Variants in BNC2 observed in about 807,000 individuals in gnomAD.
The protein encoded by BNC2 is zinc finger protein basonuclin-2.
In BNC2, 20 loss-of-function variants were observed where a neutral mutation model predicts 76.3. The ratio of observed to expected loss-of-function variants is 0.26; its 90% confidence interval spans 0.18 to 0.38. The LOEUF (loss-of-function observed/expected upper bound fraction) is 0.38. Among genes scored for constraint, BNC2 ranks in the 10% least tolerant of loss-of-function variants. The pLI is 1.00. For missense variants in BNC2, 1,382 were observed against 1,399.8 expected (o/e 0.99, Z 0.20); for synonymous variants, 582 against 514.8 (o/e 1.13, Z -1.77).
intron 5 of BNC2, among the ~76,000 whole-genome samples, chr9:16,470,032 C>G (rs992335996): frequency 7.2e-6 from 1 of 139,312 alleles, no homozygotes; most frequent in Non-Finnish European, 1.5e-5. Context: ...GAGTCCCGCT[C>G]TGTTGCCCAG....
intron 6 of BNC2, among the ~76,000 whole-genome samples, chr9:16,425,415 C>T (rs1038005555): frequency 6.6e-6 from 1 of 152,146 alleles, no homozygotes; most frequent in Non-Finnish European, 1.5e-5. Context: ...CCTGCCATCC[C>T]CGTATGGCCC....
intron 4 of BNC2, among the ~76,000 whole-genome samples, chr9:16,574,989 A>G (rs1819441599): frequency 6.6e-6 from 1 of 152,220 alleles, no homozygotes; most frequent in Non-Finnish European, 1.5e-5. Flanking sequence ...TCATGTCCAC[A>G]GTGTTGAAGT....
At chr9:16,538,830 G>A (rs1818207217) in intron 5 of BNC2, among the ~76,000 whole-genome samples, 2 of 152,148 alleles carry the variant, frequency 1.3e-5, no homozygotes, top group Non-Finnish European at 2.9e-5. Flanking sequence ...TTAAAGCATT[G>A]ACTTTTCAAG....
At chr9:16,444,202 T>C (rs907426251) in intron 5 of BNC2, among the ~76,000 whole-genome samples, 2 of 152,190 alleles carry the variant, frequency 1.3e-5, no homozygotes, top group African/African-American at 4.8e-5. Flanking sequence ...TATTTATTTT[T>C]ACCTAAAGGT....
intron 5 of BNC2, among the ~76,000 whole-genome samples, chr9:16,521,312 C>A (rs1817612732): frequency 6.6e-6 from 1 of 152,214 alleles, no homozygotes; most frequent in South Asian, 2.1e-4. Flanking sequence ...AATGTACCCA[C>A]AACCCAACTG....
intron 1 of BNC2, among the ~76,000 whole-genome samples, chr9:16,762,606 A>G (rs757750242): frequency 6.6e-6 from 1 of 152,072 alleles, no homozygotes; most frequent in Admixed American, 6.5e-5. Flanking sequence ...ATTTGTCTCA[A>G]TTTTCTATTT....
At chr9:16,820,904 G>C (rs1260554105) in intron 1 of BNC2, among the ~76,000 whole-genome samples, 2 of 151,998 alleles carry the variant, frequency 1.3e-5, no homozygotes, top group African/African-American at 4.8e-5. Flanking sequence ...GGGCAATGAT[G>C]GCTTAAAAGG....
chr9:16,627,045 G>A (rs1384170971), intron 3 of BNC2, among the ~76,000 whole-genome samples: 1 of 152,160 alleles, frequency 6.6e-6, no homozygotes, highest in Non-Finnish European at 1.5e-5. Context: ...GTTACACTGT[G>A]TCACAGACTA....
At chr9:16,477,229 A>G (rs1821946292) in intron 5 of BNC2, among the ~76,000 whole-genome samples, 1 of 152,238 alleles carries the variant, frequency 6.6e-6, no homozygotes, top group African/African-American at 2.4e-5. Flanking sequence ...ACTGCCCTCC[A>G]GCGTGGGTGA....
At chr9:16,616,836 G>GAAGGAAGT (rs796264760) in intron 3 of BNC2, among the ~76,000 whole-genome samples, 19 of 150,312 alleles carry the variant, frequency 1.3e-4, no homozygotes, top group South Asian at 4.3e-4. Flanking sequence ...AGGAAGGAAG[G>GAAGGAAGT]AAGTTCTACT....
At chr9:16,722,351 G>C (rs566021078) in intron 3 of BNC2, among the ~76,000 whole-genome samples, 30 of 152,202 alleles carry the variant, frequency 2.0e-4, no homozygotes, top group Non-Finnish European at 3.4e-4. Context: ...GGGAGTGGGA[G>C]GATGTGCTGC....
intron 5 of BNC2, among the ~76,000 whole-genome samples, chr9:16,491,325 G>T (rs1822275426): frequency 6.6e-6 from 1 of 152,112 alleles, no homozygotes; most frequent in South Asian, 2.1e-4. Context: ...CCACTGCAGT[G>T]ATATACTCAA....
At chr9:16,441,235 T>C (rs1364653255) in intron 5 of BNC2, among the ~76,000 whole-genome samples, 4 of 152,090 alleles carry the variant, frequency 2.6e-5, no homozygotes, top group Admixed American at 6.6e-5. Flanking sequence ...ATCCAGGAGG[T>C]TGAAGCTGCA....
chr9:16,733,326 C>G (rs1189074209), intron 2 of BNC2, among the ~76,000 whole-genome samples: 4 of 152,134 alleles, frequency 2.6e-5, no homozygotes, highest in Admixed American at 2.6e-4. Flanking sequence ...CTTGTGAAAC[C>G]TGCCATCCTT....
intron 5 of BNC2, among the ~76,000 whole-genome samples, chr9:16,454,838 T>C: frequency 6.6e-6 from 1 of 152,336 alleles, no homozygotes; most frequent in South Asian, 2.1e-4. Flanking sequence ...AATATTAATA[T>C]TTTCTAATAC....
chr9:16,577,446 A>G (rs1305055574), intron 4 of BNC2, among the ~76,000 whole-genome samples: 1 of 152,208 alleles, frequency 6.6e-6, no homozygotes, highest in Admixed American at 6.5e-5. Flanking sequence ...GCTGGTTGGT[A>G]TATGATACTA....
At chr9:16,792,380 A>T (rs1256039954) in intron 1 of BNC2, among the ~76,000 whole-genome samples, 4 of 152,182 alleles carry the variant, frequency 2.6e-5, no homozygotes, top group African/African-American at 9.7e-5. Context: ...TCACTAACTT[A>T]TCTGCTTTCC....
At chr9:16,673,131 C>T (rs184154440) in intron 3 of BNC2, among the ~76,000 whole-genome samples, 1 of 152,138 alleles carries the variant, frequency 6.6e-6, no homozygotes, top group Non-Finnish European at 1.5e-5. Flanking sequence ...ATGAATGATG[C>T]TTGCATGTAT....
At position 16,802,001 on chromosome 9, in the gene BNC2, C is replaced by CT. The variant is rs199642845; in HGVS notation, c.4-63517_4-63516insA. 6.6e-5 allele frequency among the ~76,000 whole-genome samples: 10 copies of CT among 150,620 alleles called. No individual in the cohort carries two copies. In the East Asian group the frequency reaches 1.8e-3, roughly 28 times the overall value. On this transcript the variant is annotated intron_variant, in intron 1 of 6. Transcript: ENST00000380672. ...GCAATGGGGCAGTCCACAGCTAATG[C>CT]ATCAATTTTTTTCACAAGCACTCAT...
Sources: allele counts gnomAD v4.1 joint callset (sites outside exome capture counted in the v4.1 genomes callset), GRCh38; gene constraint gnomAD v4.1.1; transcripts MANE v1.5; gene names NCBI Gene and HGNC (gene_info 2026-07-23, HGNC 2026-07-21).